Variants in ABHD2 observed in about 807,000 individuals in gnomAD.
The protein encoded by ABHD2 is monoacylglycerol lipase ABHD2.
Under a neutral mutation model 48.1 loss-of-function variants are expected in ABHD2, and 20 were observed. The observed-to-expected ratio is 0.42, with a 90% CI of 0.29 to 0.60. The LOEUF (loss-of-function observed/expected upper bound fraction) is 0.60. ABHD2 is among the 20% of genes least tolerant of loss of function. The pLI is 0.24. For synonymous variants in ABHD2, 209 were observed against 214.2 expected (o/e 0.98, Z 0.21); for missense variants, 405 against 550.9 (o/e 0.74, Z 2.65).
rs1264833179 is a variant in ABHD2, at chr15:89,091,828, G to A, written c.-107+3265G>A. ...CCATGACCAGTTTCAGAGTATAGAT[G>A]ATGTGGGGCATGAGTTGCTTTAGCC... On this transcript the variant is annotated intron_variant, in intron 1 of 10. Coordinates refer to ENST00000352732, the MANE Select transcript of ABHD2 (RefSeq NM_152924.5). This position sits in a 1 kb window ranked among gnomAD's most constrained non-coding sequence, Gnocchi z 5.5. Among the ~76,000 whole-genome samples, 1 of 152,208 alleles carries A rather than the reference G, an allele frequency of 6.6e-6. No individual in the cohort carries two copies. Among genetic ancestry groups the A allele is most frequent in the African/African-American group, 2.4e-5 (1 of 41,448 alleles).
At chr15:89,066,299 A>G in the ABHD2 span, among the ~76,000 whole-genome samples, 2 of 152,102 alleles carry the variant, frequency 1.3e-5, no homozygotes, top group African/African-American at 4.8e-5. Context: ...TCCTCTCTTC[A>G]GGTAGTTGCT....
In ABHD2 at chr15:89,174,896, C is replaced by A. The variant is rs564645856; in HGVS notation, c.539-916C>A. On this transcript the variant is annotated intron_variant, in intron 5 of 10. Coordinates refer to ENST00000352732, the MANE Select transcript of ABHD2 (RefSeq NM_152924.5). This position sits in a 1 kb window ranked among gnomAD's most constrained non-coding sequence, Gnocchi z 4.1. The stretch of plus-strand genomic sequence containing the variant: ...TTCCCAAGGGGACACCAGCTGAGAT[C>A]ATCTCTCCTGGGCAAATGAGGCCCA... 1.2e-4 allele frequency among the ~76,000 whole-genome samples: 18 copies of A among 152,270 alleles called. No homozygotes were observed. Among genetic ancestry groups the A allele is most frequent in the Admixed American group, 2.6e-4 (4 of 15,302 alleles).
rs1168245315 is a variant in ABHD2, at chr15:89,159,204, CTG to C, written c.538+3674_538+3675del. Among the ~76,000 whole-genome samples, 7 of 151,986 alleles carry C rather than the reference CTG, an allele frequency of 4.6e-5. No individual in the cohort carries two copies. The South Asian group carries it at 1.0e-3, about 23-fold the overall frequency. ...GCAGCCTGGCCAACATGGTGAAACCCTGTGTCTACTACAAACACAAAAATTAG... is the reference window on the plus strand; with the variant it reads ...GCAGCCTGGCCAACATGGTGAAACCCTGTCTACTACAAACACAAAAATTAG... On this transcript the variant is annotated intron_variant, in intron 5 of 10. Transcript: ENST00000352732.
At chr15:89,070,891 C>G in the ABHD2 span, among the ~76,000 whole-genome samples, 3 of 152,078 alleles carry the variant, frequency 2.0e-5, no homozygotes, top group East Asian at 3.9e-4. Context: ...TCATGCCATT[C>G]TCTTTCATGG....
chr15:89,137,869 C>T lies in ABHD2; in HGVS notation c.195-13808C>T, dbSNP rs1434984710. Among the ~76,000 whole-genome samples, 1 of 152,210 alleles carries T rather than the reference C, an allele frequency of 6.6e-6. No homozygotes were observed. Among genetic ancestry groups the T allele is most frequent in the Non-Finnish European group, 1.5e-5 (1 of 68,038 alleles). On this transcript the variant is annotated intron_variant, in intron 3 of 10. Coordinates refer to ENST00000352732, the MANE Select transcript of ABHD2 (RefSeq NM_152924.5). This position sits in a 1 kb window ranked among gnomAD's most constrained non-coding sequence, Gnocchi z 4.8. ...GAGGAAGCCCTTTCCCAGCCTCAGC[C>T]TTACCTCCCCAGTAGGACTGGTGAG...
rs182051400 is a variant in ABHD2 at position 89,183,038 on chromosome 15, C to A, written c.723-2386C>A. ...AAGCAAGTTGCAGATATCATTTCAT[C>A]TGTAAGTAGTTCACTAGGTAGCTCT... On this transcript the variant is annotated intron_variant, in intron 6 of 10. Transcript: ENST00000352732. Among the ~76,000 whole-genome samples, 98 of 152,272 alleles carry A rather than the reference C, an allele frequency of 6.4e-4. 1 individual carries two copies. The highest frequency in any genetic ancestry group is 2.0e-3 in the Admixed American group (31 of 15,306).
At chr15:89,144,978 C>T (rs1266435126) in intron 3 of ABHD2, among the ~76,000 whole-genome samples, 19 of 152,144 alleles carry the variant, frequency 1.2e-4, no homozygotes, top group Admixed American at 6.5e-5. Context: ...TCCAGTAGGC[C>T]GGGCACAGTG....
chr15:89,042,282 G>C, the ABHD2 span, among the ~76,000 whole-genome samples: 1 of 152,144 alleles, frequency 6.6e-6, no homozygotes, highest in African/African-American at 2.4e-5. Flanking sequence ...TGACACTATT[G>C]AGGATTTCAG....
intron 1 of ABHD2, among the ~76,000 whole-genome samples, chr15:89,095,885 T>C (rs568986881): frequency 5.3e-5 from 8 of 152,336 alleles, no homozygotes; most frequent in African/African-American, 1.9e-4. Flanking sequence ...TACCTAATTA[T>C]AATATCAAGG....
rs983510531 is a variant in ABHD2 at position 89,100,569 on chromosome 15, G to C, written c.-107+12006G>C. Among the ~76,000 whole-genome samples, 1 of 152,136 alleles carries C rather than the reference G, an allele frequency of 6.6e-6. No individual in the cohort carries two copies. The highest frequency in any genetic ancestry group is 2.4e-5 in the African/African-American group (1 of 41,426). On this transcript the variant is annotated intron_variant, in intron 1 of 10. Coordinates refer to ENST00000352732, the MANE Select transcript of ABHD2 (RefSeq NM_152924.5). The surrounding 1 kb of genome is among the most constrained non-coding windows in gnomAD (Gnocchi z 4.4). ...AAATATTTTTCCATTCTCCTTAGAT[G>C]TTAAAAAGGAACCTTATTGGCCAGG... is the stretch of plus-strand genomic sequence containing the variant.
intron 5 of ABHD2, among the ~76,000 whole-genome samples, chr15:89,170,386 C>T (rs932701714): frequency 2.0e-5 from 3 of 152,012 alleles, no homozygotes; most frequent in East Asian, 3.9e-4. Context: ...CATCAGCCAC[C>T]GCGCCCGGCC....
At chr15:89,069,637 A>C in the ABHD2 span, among the ~76,000 whole-genome samples, 1 of 146,454 alleles carries the variant, frequency 6.8e-6, no homozygotes, top group Non-Finnish European at 1.5e-5. Context: ...AAATGGAATC[A>C]CACAGAAGCA....
chr15:89,069,159 T>C, the ABHD2 span, among the ~76,000 whole-genome samples: 2 of 149,078 alleles, frequency 1.3e-5, no homozygotes, highest in Admixed American at 1.4e-4. Context: ...AGGATCTCTC[T>C]CTGTTGCCCA....
At chr15:89,183,446 C>A (rs1197597177) in intron 6 of ABHD2, 1 of 119,878 alleles carries the variant, frequency 8.3e-6, no homozygotes, top group African/African-American at 2.9e-5. Flanking sequence ...GATCTTGATT[C>A]TTTTATTAAA....
chr15:89,044,116 A>G, the ABHD2 span, among the ~76,000 whole-genome samples: 21 of 151,946 alleles, frequency 1.4e-4, no homozygotes, highest in African/African-American at 5.1e-4. Context: ...ATGTGTTCTC[A>G]TTGTTCAATT....
In ABHD2 at chr15:89,186,395, T is replaced by C. The variant is rs2051210959; in HGVS notation, c.815+879T>C. Among the ~76,000 whole-genome samples, 1 of 152,204 alleles carries C rather than the reference T, an allele frequency of 6.6e-6. No homozygotes were observed. Among genetic ancestry groups the C allele is most frequent in the Non-Finnish European group, 1.5e-5 (1 of 68,046 alleles). Reference sequence around the variant, plus strand: ...GACTTTTTCATTATGATTATTATTATTGCTGACATCTCTGCCTCCTCCTCT... The same window carrying C: ...GACTTTTTCATTATGATTATTATTACTGCTGACATCTCTGCCTCCTCCTCT... On this transcript the variant is annotated intron_variant, in intron 7 of 10. Transcript: ENST00000352732. This position sits in a 1 kb window ranked among gnomAD's most constrained non-coding sequence, Gnocchi z 4.3.
Position 89,146,354 on chromosome 15 carries a change from ACGTGTG to A in ABHD2, c.195-5322_195-5317del, listed in dbSNP as rs1567089836. On this transcript the variant is annotated intron_variant, in intron 3 of 10. Transcript: ENST00000352732. The surrounding 1 kb of genome is among the most constrained non-coding windows in gnomAD (Gnocchi z 4.2). ...GTGAGCTTCATCTGCTCAAAGACGT[ACGTGTG>A]TGTGTGTGTGTGTGTGTGTGTGTGT... Among the ~76,000 whole-genome samples, 1 of 84,444 alleles carries A rather than the reference ACGTGTG, an allele frequency of 1.2e-5. No individual in the cohort carries two copies. Among genetic ancestry groups the A allele is most frequent in the African/African-American group, 5.1e-5 (1 of 19,494 alleles). The allele number at this position is 84,444 out of a possible 152,430, so 55.4% of individuals were successfully genotyped here. A position where few individuals can be genotyped will look rare whatever the true frequency, so the allele number is the denominator to read the frequency against.
rs1481834366 is a variant in ABHD2, at chr15:89,091,558, C to T, written c.-107+2995C>T. 1.3e-5 allele frequency among the ~76,000 whole-genome samples: 2 copies of T among 152,298 alleles called. No homozygotes were observed. Among genetic ancestry groups the T allele is most frequent in the South Asian group, 2.1e-4 (1 of 4,824 alleles). On this transcript the variant is annotated intron_variant, in intron 1 of 10. Transcript: ENST00000352732. This position sits in a 1 kb window ranked among gnomAD's most constrained non-coding sequence, Gnocchi z 5.5. ...TTTCCTGGTAATCTCCGGCAGGACC[C>T]ATAACCTCTGTAGTGGTTCTCACTG...
At chr15:89,172,164 A>C (rs963719813) in intron 5 of ABHD2, among the ~76,000 whole-genome samples, 2 of 152,240 alleles carry the variant, frequency 1.3e-5, no homozygotes, top group African/African-American at 4.8e-5. Context: ...GTACATAACA[A>C]AATTTCATCC....
Sources: allele counts gnomAD v4.1 joint callset (sites outside exome capture counted in the v4.1 genomes callset), GRCh38; gene constraint gnomAD v4.1.1; non-coding constraint Gnocchi (gnomAD v3.1); transcripts MANE v1.5; gene names NCBI Gene and HGNC (gene_info 2026-07-23, HGNC 2026-07-21).